Variants in TRHDE observed in about 807,000 individuals in gnomAD.
The protein encoded by TRHDE is thyrotropin releasing hormone degrading enzyme, also known as thyrotropin-releasing hormone-degrading ectoenzyme.
A neutral mutation model predicts 125.7 loss-of-function variants in TRHDE; 72 were observed. The observed-to-expected ratio is 0.57, with a 90% CI of 0.47 to 0.70. The LOEUF (loss-of-function observed/expected upper bound fraction) is 0.70. TRHDE is among the 30% of genes least tolerant of loss of function. TRHDE has a pLI of 0.00. For missense variants in TRHDE, 1,110 were observed against 1,327.1 expected, an observed-to-expected ratio of 0.84 and a Z score of 2.54; for synonymous variants, 509 against 509.1, an observed-to-expected ratio of 1.00 and a Z score of 0.00.
intron 2 of TRHDE, among the ~76,000 whole-genome samples, chr12:72,225,615 G>A (rs180707023): frequency 1.3e-5 from 2 of 152,280 alleles, no homozygotes; most frequent in East Asian, 1.9e-4. Context: ...GAGTTATTAA[G>A]CATTTAATGT....
chr12:72,416,330 C>T (rs1030277316), intron 3 of TRHDE, among the ~76,000 whole-genome samples: 3 of 152,044 alleles, frequency 2.0e-5, no homozygotes, highest in Non-Finnish European at 4.4e-5. Flanking sequence ...CAAATATTTT[C>T]TCCCATTCTG....
At chr12:72,175,484 A>G (rs929859235) in intron 2 of TRHDE, among the ~76,000 whole-genome samples, 1 of 152,210 alleles carries the variant, frequency 6.6e-6, no homozygotes, top group African/African-American at 2.4e-5. Context: ...ATCACTGGAA[A>G]GACTCCCTTT....
chr12:72,143,317 T>G (rs1038881123), intron 2 of TRHDE, among the ~76,000 whole-genome samples: 1 of 152,126 alleles, frequency 6.6e-6, no homozygotes, highest in East Asian at 1.9e-4. Context: ...GAAAGACTTT[T>G]GGAGAAAGTG....
At chr12:72,630,339 C>T (rs530847992) in intron 15 of TRHDE, among the ~76,000 whole-genome samples, 23 of 151,460 alleles carry the variant, frequency 1.5e-4, no homozygotes, top group African/African-American at 5.1e-4. Flanking sequence ...AGAGAGATAC[C>T]GGGAGTAAGT....
intron 2 of TRHDE, among the ~76,000 whole-genome samples, chr12:72,217,831 G>C (rs1423469214): frequency 1.3e-5 from 2 of 152,130 alleles, no homozygotes; most frequent in Non-Finnish European, 2.9e-5. Context: ...TTGATGGGAA[G>C]ATGTTAGAAC....
rs1873190035 is a variant in TRHDE at position 72,624,741 on chromosome 12, C to T, written c.2675+2990C>T. On this transcript the variant is annotated intron_variant, in intron 15 of 18. Coordinates refer to ENST00000261180, the MANE Select transcript of TRHDE (RefSeq NM_013381.3). ...GTGTGTTGAATTGCAATGGTGATGT[C>T]ATGCATAAAAATGGATTGAGCTACA... Among the ~76,000 whole-genome samples, 4 of 151,860 alleles carry T rather than the reference C, an allele frequency of 2.6e-5. No individual in the cohort carries two copies. The South Asian group carries it at 8.3e-4, about 31-fold the overall frequency.
At chr12:72,633,035 T>C (rs1173952369) in intron 15 of TRHDE, among the ~76,000 whole-genome samples, 1 of 152,070 alleles carries the variant, frequency 6.6e-6, no homozygotes, top group African/African-American at 2.4e-5. Flanking sequence ...TTTCTGACTA[T>C]CCAATTTTAT....
At chr12:72,331,029 A>G (rs1869570139) in intron 2 of TRHDE, among the ~76,000 whole-genome samples, 1 of 152,234 alleles carries the variant, frequency 6.6e-6, no homozygotes, top group Non-Finnish European at 1.5e-5. Context: ...CACTGCCGAC[A>G]TGAAACCCTC....
At chr12:72,237,370 A>C (rs1878355630) in intron 2 of TRHDE, among the ~76,000 whole-genome samples, 1 of 152,234 alleles carries the variant, frequency 6.6e-6, no homozygotes, top group Non-Finnish European at 1.5e-5. Context: ...AGCTTATCAA[A>C]GTGCTGAATC....
rs1869021244 is a variant in TRHDE, at chr12:72,539,209, G to A, written c.1723-3082G>A. Among the ~76,000 whole-genome samples the A allele has an allele frequency of 5.9e-5, 9 of 151,926 alleles. 1 individual carries two copies. In the South Asian group the frequency reaches 1.7e-3, roughly 28 times the overall value. On this transcript the variant is annotated intron_variant, in intron 6 of 18. Transcript: ENST00000261180. ...TGAAAACAGTAGAATACTTTCTCTTGTCATTCATTTTATTTTGCTTTGCAT... is the reference window on the plus strand; with the variant it reads ...TGAAAACAGTAGAATACTTTCTCTTATCATTCATTTTATTTTGCTTTGCAT...
At chr12:72,356,650 C>T (rs1359262627) in intron 2 of TRHDE, among the ~76,000 whole-genome samples, 2 of 151,338 alleles carry the variant, frequency 1.3e-5, no homozygotes, top group East Asian at 1.9e-4. Context: ...AAGATGAAGT[C>T]ATTTGACTAG....
chr12:72,389,081 A>G (rs889979807), intron 3 of TRHDE, among the ~76,000 whole-genome samples: 10 of 152,046 alleles, frequency 6.6e-5, no homozygotes, highest in African/African-American at 2.4e-4. Context: ...AAAAATATTT[A>G]TGTAGTTATA....
rs779952132 is a variant in TRHDE at position 72,273,376 on chromosome 12, T to C, written c.733T>C (p.Phe245Leu). The C allele has an allele frequency of 6.2e-7, 1 of 1,614,048 alleles. No individual in the cohort carries two copies. Among genetic ancestry groups the C allele is most frequent in the South Asian group, 1.1e-5 (1 of 91,072 alleles). Reference sequence around the variant, plus strand: ...AGTGCAGCTGGCCGAGGACCGGGCGTTCGGGGCTGTCCCTGTAGCCGGTTT... The same window carrying C: ...AGTGCAGCTGGCCGAGGACCGGGCGCTCGGGGCTGTCCCTGTAGCCGGTTT... ...EKVQLAEDRA[F>L]GAVPVAGFFL... Residue 245 changes from phenylalanine (F) to leucine (L), a missense_variant, in exon 1 of 19, where the codon TTC becomes CTC. Phe to Leu is a conservative substitution (Grantham distance 22, BLOSUM62 0). Coordinates refer to ENST00000261180, the MANE Select transcript of TRHDE (RefSeq NM_013381.3). This position sits in a 1 kb window ranked among gnomAD's most constrained non-coding sequence, Gnocchi z 5.3.
chr12:72,147,219 G>T (rs1276654505), intron 2 of TRHDE, among the ~76,000 whole-genome samples: 1 of 152,038 alleles, frequency 6.6e-6, no homozygotes, highest in Non-Finnish European at 1.5e-5. Context: ...TGAGGGTGGG[G>T]GGCCTTTGCT....
chr12:72,146,814 G>A lies in TRHDE; in HGVS notation n.279+41062G>A, dbSNP rs1443326377. ...GGTATGACTGCCTTCTGTTTCCTGA[G>A]CTGTTGCCCAGCATCCCGCAAGAAT... On this transcript the variant is annotated intron_variant and non_coding_transcript_variant, in intron 2 of 4. Coordinates refer to the TRHDE transcript ENST00000548156. Among the ~76,000 whole-genome samples the A allele has an allele frequency of 2.6e-5, 4 of 152,228 alleles. No homozygotes were observed. The South Asian group carries it at 8.3e-4, about 32-fold the overall frequency.
chr12:72,595,201 C>T (rs1871881848), intron 12 of TRHDE, among the ~76,000 whole-genome samples: 1 of 151,140 alleles, frequency 6.6e-6, no homozygotes, highest in African/African-American at 2.4e-5. Flanking sequence ...CAGCATGGCA[C>T]ATGTATAGGT....
chr12:72,094,961 G>T (rs894001208), intron 1 of TRHDE, among the ~76,000 whole-genome samples: 1 of 152,184 alleles, frequency 6.6e-6, no homozygotes, highest in Admixed American at 6.5e-5. Flanking sequence ...GGGAATAAAG[G>T]GGGATACCTC....
chr12:72,175,803 A>G (rs1425510266), intron 2 of TRHDE, among the ~76,000 whole-genome samples: 2 of 152,248 alleles, frequency 1.3e-5, no homozygotes, highest in Non-Finnish European at 2.9e-5. Context: ...CTATGATTCT[A>G]TGAATAACCT....
chr12:72,550,003 T>C (rs981786605), intron 7 of TRHDE, among the ~76,000 whole-genome samples: 3 of 151,906 alleles, frequency 2.0e-5, no homozygotes, highest in Admixed American at 1.3e-4. Flanking sequence ...GGCATTTGTC[T>C]AGCTCAACAG....
Sources: gnomAD v4.1 joint callset for allele counts (sites outside exome capture counted in the v4.1 genomes callset) on GRCh38, gnomAD v4.1.1 for gene constraint, Gnocchi (gnomAD v3.1) non-coding constraint, MANE v1.5 for transcripts, NCBI Gene and HGNC (gene_info 2026-07-23, HGNC 2026-07-21) for gene names.